The following CNTNAP5 variants were observed in gnomAD, a reference collection of about 807,000 sequenced individuals.
CNTNAP5 encodes contactin-associated protein-like 5.
CNTNAP5 carries 72 observed loss-of-function variants against 150.2 expected under a neutral mutation model. That is an observed-to-expected ratio of 0.48 (90% CI 0.40 to 0.58). CNTNAP5 has a LOEUF of 0.58. Ranked by LOEUF, CNTNAP5 falls within the 20% of genes least tolerant of loss-of-function variation. The pLI, the probability that CNTNAP5 is intolerant of heterozygous loss-of-function variation, is 0.00. For synonymous variants in CNTNAP5, 672 were observed against 619.8 expected, an observed-to-expected ratio of 1.08 and a Z score of -1.25; for missense variants, 1,636 against 1,626.2, an observed-to-expected ratio of 1.01 and a Z score of -0.10.
intron 1 of CNTNAP5, among the ~76,000 whole-genome samples, chr2:124,042,387 T>A (rs372501372): frequency 6.6e-6 from 1 of 152,228 alleles, no homozygotes; most frequent in East Asian, 1.9e-4. Flanking sequence ...TAAGAAGGTG[T>A]AACCATGATT....
At chr2:124,761,941 GA>G (rs1680963842) in intron 14 of CNTNAP5, among the ~76,000 whole-genome samples, 1 of 152,062 alleles carries the variant, frequency 6.6e-6, no homozygotes, top group Admixed American at 6.6e-5. Flanking sequence ...CGTTGGCATT[GA>G]TGGGCAGACT....
chr2:124,397,840 T>A (rs1478744819), intron 3 of CNTNAP5, among the ~76,000 whole-genome samples: 1 of 152,052 alleles, frequency 6.6e-6, no homozygotes, highest in Non-Finnish European at 1.5e-5. Context: ...CCAGTGACAC[T>A]TCTCAAGGGG....
intron 4 of CNTNAP5, among the ~76,000 whole-genome samples, chr2:124,426,492 A>C (rs1404383198): frequency 6.6e-6 from 1 of 152,196 alleles, no homozygotes; most frequent in Non-Finnish European, 1.5e-5. Flanking sequence ...TCATGACATA[A>C]GCTTCAAAAT....
At chr2:124,140,171 C>A (rs1251849931) in intron 1 of CNTNAP5, among the ~76,000 whole-genome samples, 5 of 150,544 alleles carry the variant, frequency 3.3e-5, no homozygotes, top group African/African-American at 1.2e-4. Flanking sequence ...GCTAGCACAG[C>A]AGTCTGAGAT....
intron 3 of CNTNAP5, among the ~76,000 whole-genome samples, chr2:124,305,874 A>G (rs903376826): frequency 1.3e-5 from 2 of 152,208 alleles, no homozygotes; most frequent in African/African-American, 4.8e-5. Flanking sequence ...TTTTATAGCA[A>G]TACACAATGG....
intron 3 of CNTNAP5, among the ~76,000 whole-genome samples, chr2:124,408,636 C>G (rs530670819): frequency 6.6e-6 from 1 of 151,772 alleles, no homozygotes; most frequent in South Asian, 2.1e-4. Flanking sequence ...ACTGACACCT[C>G]ACAAGGCAGG....
At chr2:124,911,422 T>C in intron 22 of CNTNAP5, 45 bp from the exon 23 acceptor site, 1 of 1,438,938 alleles carries the variant, frequency 6.9e-7, no homozygotes, top group Non-Finnish European at 9.6e-7. Context: ...TTCTTGCCAG[T>C]GCTTTGAGTG....
intron 12 of CNTNAP5, among the ~76,000 whole-genome samples, chr2:124,647,298 A>G (rs1376446148): frequency 2.0e-5 from 3 of 152,222 alleles, no homozygotes; most frequent in Non-Finnish European, 4.4e-5. Flanking sequence ...CTCTGAGAAA[A>G]TGGTTCTCTG....
intron 12 of CNTNAP5, among the ~76,000 whole-genome samples, chr2:124,637,365 G>A (rs1405605546): frequency 6.6e-6 from 1 of 152,072 alleles, no homozygotes; most frequent in African/African-American, 2.4e-5. Context: ...CCCATACTTT[G>A]GATATTTCTG....
At chr2:124,866,017 A>G (rs1677624378) in intron 20 of CNTNAP5, among the ~76,000 whole-genome samples, 1 of 151,450 alleles carries the variant, frequency 6.6e-6, no homozygotes. Context: ...TAATCCCAAC[A>G]CTTTGGGAGG....
intron 8 of CNTNAP5, among the ~76,000 whole-genome samples, chr2:124,509,899 T>C (rs974827886): frequency 1.3e-5 from 2 of 152,162 alleles, no homozygotes; most frequent in East Asian, 3.9e-4. Flanking sequence ...TCTGTTGTCT[T>C]TATAAACTTC....
intron 12 of CNTNAP5, among the ~76,000 whole-genome samples, chr2:124,644,686 T>C (rs573644843): frequency 1.3e-5 from 2 of 152,172 alleles, no homozygotes; most frequent in Non-Finnish European, 2.9e-5. Flanking sequence ...CAGATACAGA[T>C]GATACAGGTG....
chr2:124,574,321 A>G (rs1412606198), intron 11 of CNTNAP5, among the ~76,000 whole-genome samples: 1 of 152,212 alleles, frequency 6.6e-6, no homozygotes, highest in Non-Finnish European at 1.5e-5. Flanking sequence ...TGGATTATAC[A>G]TGGTCACTAA....
intron 13 of CNTNAP5, among the ~76,000 whole-genome samples, chr2:124,668,478 G>A (rs184856889): frequency 6.6e-6 from 1 of 152,224 alleles, no homozygotes; most frequent in East Asian, 1.9e-4. Flanking sequence ...CTGTGTATCA[G>A]GGAGAGGCCT....
intron 14 of CNTNAP5, among the ~76,000 whole-genome samples, chr2:124,760,376 A>G (rs79952651): frequency 0.013 from 1,981 of 152,206 alleles, 51 homozygotes; most frequent in African/African-American, 0.045. Flanking sequence ...TACTAAAATA[A>G]GCTTACCAAG....
chr2:124,852,974 G>A (rs1683187737), intron 19 of CNTNAP5, among the ~76,000 whole-genome samples: 1 of 152,198 alleles, frequency 6.6e-6, no homozygotes, highest in Non-Finnish European at 1.5e-5. Flanking sequence ...GCTTTTTGGT[G>A]AGGACAATCT....
chr2:124,338,429 A>C (rs1468900305), intron 3 of CNTNAP5, among the ~76,000 whole-genome samples: 1 of 152,176 alleles, frequency 6.6e-6, no homozygotes, highest in Non-Finnish European at 1.5e-5. Flanking sequence ...GAGAGAGGGC[A>C]TCCCTGTCTT....
At chr2:124,791,296 T>A (rs1681723463) in intron 18 of CNTNAP5, among the ~76,000 whole-genome samples, 1 of 152,230 alleles carries the variant, frequency 6.6e-6, no homozygotes. Flanking sequence ...TACTTATTAT[T>A]CCTGAAGAGC....
At chr2:124,480,034 G>A (rs1189539262) in intron 7 of CNTNAP5, among the ~76,000 whole-genome samples, 1 of 152,140 alleles carries the variant, frequency 6.6e-6, no homozygotes, top group Non-Finnish European at 1.5e-5. Context: ...TGACATATAA[G>A]CCAATATTTA....
Sources: gnomAD v4.1 joint callset for allele counts (sites outside exome capture counted in the v4.1 genomes callset) on GRCh38, gnomAD v4.1.1 for gene constraint, MANE v1.5 for transcripts, NCBI Gene and HGNC (gene_info 2026-07-23, HGNC 2026-07-21) for gene names.